ANXA8: variants seen among roughly 807,000 people sequenced by gnomAD.
ANXA8 encodes the protein VAC-beta.
A neutral mutation model predicts 26.8 loss-of-function variants in ANXA8; 9 were observed. The observed-to-expected ratio is 0.34, with a 90% confidence interval of 0.20 to 0.59. The LOEUF (loss-of-function observed/expected upper bound fraction) is 0.59, where lower values mean the gene tolerates loss of function less well. Ranked by LOEUF, ANXA8 falls within the 20% of genes least tolerant of loss-of-function variation. ANXA8 has a pLI of 0.84. For synonymous variants in ANXA8, 39 were observed against 94.8 expected, an observed-to-expected ratio of 0.41 and a Z score of 3.42; for missense variants, 83 against 238.5, an observed-to-expected ratio of 0.35 and a Z score of 4.29.
At chr10:47,555,711 A>G in the ANXA8 span, among the ~76,000 whole-genome samples, 2 of 152,016 alleles carry the variant, frequency 1.3e-5, no homozygotes, top group Admixed American at 6.6e-5. Context: ...ACTGCTCAGC[A>G]GTCTTATGAT....
chr10:47,612,083 T>A, the ANXA8 span, among the ~76,000 whole-genome samples: 343 of 68,082 alleles, frequency 5.0e-3, 1 homozygote, highest in Middle Eastern at 6.3e-3. Context: ...GAAGTCATAT[T>A]GGTCTAAGAA....
chr10:47,950,776 T>G, the ANXA8 span, among the ~76,000 whole-genome samples: 1 of 151,088 alleles, frequency 6.6e-6, no homozygotes, highest in Non-Finnish European at 1.5e-5. Context: ...AAAATAATTT[T>G]TCCTAAATAA....
chr10:47,576,668 C>T, the ANXA8 span, among the ~76,000 whole-genome samples: 3 of 150,662 alleles, frequency 2.0e-5, no homozygotes, highest in Admixed American at 1.3e-4. Flanking sequence ...TAGCACATAC[C>T]ACCACTAAGC....
the ANXA8 span, among the ~76,000 whole-genome samples, chr10:47,560,507 C>T: frequency 6.6e-6 from 1 of 151,664 alleles, no homozygotes; most frequent in Non-Finnish European, 1.5e-5. Context: ...TCAGTTTAGA[C>T]TTTTTAATTG....
the ANXA8 span, among the ~76,000 whole-genome samples, chr10:47,762,306 T>G: frequency 1.3e-5 from 2 of 150,438 alleles, no homozygotes; most frequent in Non-Finnish European, 3.0e-5. Context: ...GCCCCGGGGG[T>G]GCTCAGACGC....
At chr10:47,558,391 A>G in the ANXA8 span, among the ~76,000 whole-genome samples, 4 of 151,818 alleles carry the variant, frequency 2.6e-5, no homozygotes, top group African/African-American at 9.7e-5. Context: ...GAGCCCATTC[A>G]CTATCTAGCT....
chr10:47,778,994 G>T, the ANXA8 span, among the ~76,000 whole-genome samples: 2 of 151,088 alleles, frequency 1.3e-5, 1 homozygote, highest in Admixed American at 1.3e-4. Context: ...ACATGAAACA[G>T]AATTTCATAA....
the ANXA8 span, among the ~76,000 whole-genome samples, chr10:47,706,009 G>T: frequency 1.3e-5 from 2 of 151,672 alleles, no homozygotes; most frequent in Non-Finnish European, 1.5e-5. Context: ...GTTGTGGGGG[G>T]GGAGGGGCGC....
the ANXA8 span, among the ~76,000 whole-genome samples, chr10:47,617,755 G>T: frequency 6.8e-6 from 1 of 147,226 alleles, no homozygotes; most frequent in African/African-American, 2.7e-5. Context: ...TCTCAAAAAT[G>T]AGTAGAAATG....
chr10:47,595,091 G>T, the ANXA8 span, among the ~76,000 whole-genome samples: 1 of 148,498 alleles, frequency 6.7e-6, no homozygotes, highest in South Asian at 2.1e-4. Context: ...TTACAATCCA[G>T]CAGAGATTAG....
the ANXA8 span, among the ~76,000 whole-genome samples, chr10:47,691,651 C>T: frequency 6.6e-6 from 1 of 150,624 alleles, no homozygotes; most frequent in African/African-American, 2.5e-5. Context: ...CCCAGCTACC[C>T]AGGAGGCTGA....
chr10:47,595,103 G>T, the ANXA8 span, among the ~76,000 whole-genome samples: 1 of 148,190 alleles, frequency 6.7e-6, no homozygotes, highest in Non-Finnish European at 1.5e-5. Flanking sequence ...AGAGATTAGA[G>T]GTCTATTTTT....
At chr10:47,698,047 T>C in the ANXA8 span, among the ~76,000 whole-genome samples, 1 of 150,326 alleles carries the variant, frequency 6.7e-6, no homozygotes, top group Admixed American at 6.7e-5. Context: ...ATAGAGTTAA[T>C]AGGATTTTCT....
the ANXA8 span, among the ~76,000 whole-genome samples, chr10:47,718,568 G>A: frequency 2.4e-4 from 4 of 16,430 alleles, no homozygotes; most frequent in South Asian, 3.9e-3. Flanking sequence ...CGATCGCTAC[G>A]CACTCCTGCT....
the ANXA8 span, among the ~76,000 whole-genome samples, chr10:47,920,150 T>C: frequency 3.4e-5 from 2 of 58,876 alleles, no homozygotes; most frequent in East Asian, 4.7e-4. Flanking sequence ...GAAATCTTCC[T>C]GCCTTCGAGA....
the ANXA8 span, among the ~76,000 whole-genome samples, chr10:47,733,179 T>TTCTTTCTTTCTTTCTTTCTCTCTCTCTC: frequency 1.1e-5 from 1 of 87,586 alleles, no homozygotes; most frequent in Non-Finnish European, 2.8e-5. Context: ...CTTTCTTTCT[T>TTCTTTCTTTCTTTCTTTCTCTCTCTCTC]TCTTTCTTTC....
At chr10:47,743,315 C>CATATATATATAT in the ANXA8 span, among the ~76,000 whole-genome samples, 2 of 60,018 alleles carry the variant, frequency 3.3e-5, no homozygotes, top group Non-Finnish European at 7.4e-5. Flanking sequence ...TATATATACA[C>CATATATATATAT]ATATATATAT....
chr10:47,684,533 C>T, the ANXA8 span, among the ~76,000 whole-genome samples: 3 of 151,882 alleles, frequency 2.0e-5, no homozygotes, highest in Non-Finnish European at 2.9e-5. Flanking sequence ...TCCAGGATGG[C>T]TTTAAATGCA....
chr10:47,504,836 C>CATA, the ANXA8 span, among the ~76,000 whole-genome samples: 1 of 127,242 alleles, frequency 7.9e-6, no homozygotes, highest in Non-Finnish European at 1.6e-5. Context: ...CCTAAGAGGT[C>CATA]ATAACTGTTC....
Sources: gnomAD v4.1 joint callset for allele counts (sites outside exome capture counted in the v4.1 genomes callset) on GRCh38, gnomAD v4.1.1 for gene constraint, MANE v1.5 for transcripts, NCBI Gene and HGNC (gene_info 2026-07-23, HGNC 2026-07-21) for gene names.